Variants in KCNQ2 observed in about 807,000 individuals in gnomAD.
KCNQ2 encodes the protein potassium voltage-gated channel subfamily Q member 2.
In KCNQ2, 14 loss-of-function variants were observed where a neutral mutation model predicts 84.8. The ratio of observed to expected loss-of-function variants is 0.17; its 90% CI spans 0.11 to 0.26. The LOEUF is 0.26. KCNQ2 is among the 10% of genes least tolerant of loss of function. The pLI is 1.00. For synonymous variants in KCNQ2, 599 were observed against 554.1 expected (o/e 1.08, Z -1.14); for missense variants, 788 against 1,254.0 (o/e 0.63, Z 5.61).
At chr20:63,442,965 C>T (rs1036400151) in intron 4 of KCNQ2, among the ~76,000 whole-genome samples, 30 of 43,904 alleles carry the variant, frequency 6.8e-4, no homozygotes, top group East Asian at 2.1e-3. Context: ...ACCATCACCA[C>T]CACCACCACC....
chr20:63,415,329 A>G lies in KCNQ2; in HGVS notation c.1302-203T>C, dbSNP rs573457292. 5.7e-4 allele frequency among the ~76,000 whole-genome samples: 78 copies of G among 135,786 alleles called. 1 individual carries two copies. Among genetic ancestry groups the G allele is most frequent in the African/African-American group, 2.1e-3 (77 of 36,132 alleles). The allele number at this position is 135,786 out of a possible 152,430, so 89.1% of individuals were successfully genotyped here. On this transcript the variant is annotated intron_variant, in intron 12 of 16. Transcript: ENST00000359125. The stretch of plus-strand genomic sequence containing the variant: ...CGGCGGGAGGGAGGGAGGGGAGGCC[A>G]CGGGGACCGAGCACCCGGTGGGAGG...
At chr20:63,420,320 C>T (rs1310153328) in intron 11 of KCNQ2, among the ~76,000 whole-genome samples, 1 of 152,264 alleles carries the variant, frequency 6.6e-6, no homozygotes, top group Non-Finnish European at 1.5e-5. Context: ...TTAGAAAAGG[C>T]TCAGAAAACA....
intron 1 of KCNQ2, among the ~76,000 whole-genome samples, chr20:63,468,944 A>G (rs2082144664): frequency 6.6e-6 from 1 of 152,246 alleles, no homozygotes; most frequent in Non-Finnish European, 1.5e-5. Flanking sequence ...ATCCACAGGA[A>G]CCAGGCTGCG....
chr20:63,413,758 G>T, intron 14 of KCNQ2, among the ~76,000 whole-genome samples, 177 bp from the exon 15 acceptor site: 1 of 140,048 alleles, frequency 7.1e-6, no homozygotes, highest in South Asian at 2.2e-4. Flanking sequence ...TGCTCTGCCC[G>T]GGACAGGTGG....
At chr20:63,458,581 G>A (rs1490094540) in intron 1 of KCNQ2, among the ~76,000 whole-genome samples, 1 of 152,190 alleles carries the variant, frequency 6.6e-6, no homozygotes, top group Non-Finnish European at 1.5e-5. Flanking sequence ...TCTCCCTGGT[G>A]TATTCTCTCC....
rs1021271771 is a variant in KCNQ2, at chr20:63,414,286, G to A, written c.1526-93C>T. The A allele has an allele frequency of 4.2e-5, 40 of 948,826 alleles. No individual in the cohort carries two copies. The highest frequency in any genetic ancestry group is 6.7e-6 in the Non-Finnish European group (4 of 592,900). The allele number at this position is 948,826 out of a possible 1,614,324, so 58.8% of individuals were successfully genotyped here. A position where few individuals can be genotyped will look rare whatever the true frequency, so the allele number is the denominator to read the frequency against. On this transcript the variant is annotated intron_variant, in intron 13 of 16. Coordinates refer to ENST00000359125, the MANE Select transcript of KCNQ2 (RefSeq NM_172107.4). The surrounding 1 kb of genome is among the most constrained non-coding windows in gnomAD (Gnocchi z 6.6). The stretch of plus-strand genomic sequence containing the variant: ...GGCACACCGGCTAGACAGAGCGCCA[G>A]GGAGCCCCTCGAGGCTCCCTGTGGT...
intron 11 of KCNQ2, among the ~76,000 whole-genome samples, chr20:63,420,706 G>T (rs950327939): frequency 6.6e-6 from 1 of 152,100 alleles, no homozygotes; most frequent in Non-Finnish European, 1.5e-5. Flanking sequence ...TCAGCCGCCC[G>T]GGTAGGCTGA....
At chr20:63,427,200 C>T (rs1157290246) in intron 10 of KCNQ2, among the ~76,000 whole-genome samples, 2 of 152,128 alleles carry the variant, frequency 1.3e-5, no homozygotes, top group South Asian at 2.1e-4. Context: ...CCAGCCTGGG[C>T]GAAAGAGCAA....
chr20:63,418,467 C>T (rs6090412), intron 12 of KCNQ2, among the ~76,000 whole-genome samples: 15 of 152,296 alleles, frequency 9.8e-5, no homozygotes, highest in African/African-American at 2.9e-4. Flanking sequence ...GCCCAGGAAG[C>T]GTGAGGATGA....
In KCNQ2 at chr20:63,446,847, G is replaced by A; in HGVS notation, c.297-10C>T. 6.2e-7 allele frequency: 1 copy of A among 1,612,008 alleles called. No individual in the cohort carries two copies. On this transcript the variant is annotated splice_polypyrimidine_tract_variant and intron_variant, in intron 1 of 16. Transcript: ENST00000359125. This position sits in a 1 kb window ranked among gnomAD's most constrained non-coding sequence, Gnocchi z 5.5. Reference sequence around the variant, plus strand: ...GAAAACCAGGAGGAACCTGGGGGCAGGGAACGCGCGCTCTCAGACAGGCCG... The same window carrying A: ...GAAAACCAGGAGGAACCTGGGGGCAAGGAACGCGCGCTCTCAGACAGGCCG...
At chr20:63,415,194 G>A (rs1035356891) in intron 12 of KCNQ2, 68 bp from the exon 13 acceptor site, 2 of 1,404,950 alleles carry the variant, frequency 1.4e-6, no homozygotes, top group Admixed American at 1.9e-5. Context: ...AAGAACACAG[G>A]CCGTGTCTGC....
chr20:63,439,820 C>G, intron 5 of KCNQ2, 112 bp from the exon 6 acceptor site: 1 of 800,564 alleles, frequency 1.2e-6, no homozygotes, highest in Non-Finnish European at 2.2e-6. Flanking sequence ...GGGGCCACCC[C>G]CGTGTCACCA....
intron 1 of KCNQ2, among the ~76,000 whole-genome samples, chr20:63,462,818 A>T (rs917189477): frequency 1.6e-4 from 24 of 152,190 alleles, no homozygotes; most frequent in African/African-American, 5.8e-4. Context: ...AGAGGGGGAC[A>T]TGCAGGGAGA....
At chr20:63,434,162 C>A in intron 7 of KCNQ2, 1 of 530,794 alleles carries the variant, frequency 1.9e-6, no homozygotes, top group Non-Finnish European at 3.3e-6. Context: ...GACTCGGGGC[C>A]CTGAGCGAGC....
At chr20:63,468,580 G>A (rs1022834683) in intron 1 of KCNQ2, among the ~76,000 whole-genome samples, 16 of 152,220 alleles carry the variant, frequency 1.1e-4, no homozygotes, top group Non-Finnish European at 1.3e-4. Flanking sequence ...CCCCGGCACC[G>A]GGGGACTTGA....
intron 4 of KCNQ2, among the ~76,000 whole-genome samples, chr20:63,442,950 T>TTATCAC (rs2081254842): frequency 6.5e-5 from 1 of 15,366 alleles, no homozygotes; most frequent in Admixed American, 7.6e-4. Flanking sequence ...ACCATCACCA[T>TTATCAC]CATCACCATC....
At chr20:63,449,393 T>C (rs1032391132) in intron 1 of KCNQ2, 1 of 152,302 alleles carries the variant, frequency 6.6e-6, no homozygotes, top group Non-Finnish European at 1.5e-5. Context: ...CATGCTACTC[T>C]GACCCACAGC....
At chr20:63,471,019 C>G (rs1028832314) in intron 1 of KCNQ2, 2 of 152,278 alleles carry the variant, frequency 1.3e-5, no homozygotes, top group African/African-American at 4.8e-5. Flanking sequence ...CCCCAGAACC[C>G]TCTCATATCA....
intron 11 of KCNQ2, among the ~76,000 whole-genome samples, chr20:63,419,978 T>G (rs1403118499): frequency 1.3e-5 from 2 of 152,248 alleles, no homozygotes. Flanking sequence ...GTATTCATGC[T>G]GACAAAACAA....
Sources: allele counts gnomAD v4.1 joint callset (sites outside exome capture counted in the v4.1 genomes callset), GRCh38; gene constraint gnomAD v4.1.1; non-coding constraint Gnocchi (gnomAD v3.1); transcripts MANE v1.5; gene names NCBI Gene and HGNC (gene_info 2026-07-23, HGNC 2026-07-21).